WDPCP: variants seen among roughly 807,000 people sequenced by gnomAD.
WDPCP encodes the protein WD repeat containing planar cell polarity effector, also known as WD repeat-containing and planar cell polarity effector protein fritz homolog.
A neutral mutation model predicts 93.1 loss-of-function variants in WDPCP; 71 were observed. The ratio of observed to expected loss-of-function variants is 0.76; its 90% CI spans 0.63 to 0.93. The LOEUF (loss-of-function observed/expected upper bound fraction) is 0.93. Among genes scored for constraint, WDPCP ranks in the 40% least tolerant of loss-of-function variants. The pLI is 0.00. For synonymous variants in WDPCP, 315 were observed against 315.0 expected (o/e 1.00, Z 0.00); for missense variants, 844 against 887.4 (o/e 0.95, Z 0.62).
intron 12 of WDPCP, among the ~76,000 whole-genome samples, chr2:63,373,896 A>G (rs1274620702): frequency 2.0e-5 from 3 of 152,116 alleles, no homozygotes. Flanking sequence ...CTTGAAAAGT[A>G]TAAGGACCTT....
intron 15 of WDPCP, among the ~76,000 whole-genome samples, chr2:63,165,040 T>C (rs1672868378): frequency 6.6e-6 from 1 of 152,104 alleles, no homozygotes; most frequent in South Asian, 2.1e-4. Context: ...AGTAATTACA[T>C]TAATAATAAA....
At chr2:63,806,352 G>T (rs1670762530) in intron 2 of WDPCP, among the ~76,000 whole-genome samples, 1 of 152,120 alleles carries the variant, frequency 6.6e-6, no homozygotes, top group East Asian at 1.9e-4. Flanking sequence ...AGTTTCAGAA[G>T]GGGAGGGAGT....
intron 1 of WDPCP, among the ~76,000 whole-genome samples, chr2:63,586,993 A>G (rs922159052): frequency 1.1e-4 from 16 of 152,236 alleles, no homozygotes; most frequent in African/African-American, 3.9e-4. Context: ...CGTCATTTAC[A>G]TTAGGTAAAA....
chr2:63,760,366 T>C (rs1274711888), intron 2 of WDPCP, among the ~76,000 whole-genome samples: 1 of 152,108 alleles, frequency 6.6e-6, no homozygotes, highest in Non-Finnish European at 1.5e-5. Flanking sequence ...ATTGCATCTA[T>C]AACACAGAGC....
intron 12 of WDPCP, among the ~76,000 whole-genome samples, chr2:63,352,441 C>T (rs1575205942): frequency 6.6e-6 from 1 of 152,230 alleles, no homozygotes; most frequent in East Asian, 1.9e-4. Flanking sequence ...TAATGTATGG[C>T]AATAAATATG....
chr2:63,570,967 A>G (rs4671517), intron 1 of WDPCP, among the ~76,000 whole-genome samples: 122,969 of 151,464 alleles, frequency 0.81, 50,734 homozygotes, highest in East Asian at 0.98. Context: ...GTGCAGTGGC[A>G]CGATCTCAGC....
upstream of WDPCP, among the ~76,000 whole-genome samples, chr2:63,591,207 A>T (rs2106595733): frequency 6.6e-6 from 1 of 152,374 alleles, no homozygotes; most frequent in Non-Finnish European, 1.5e-5. Flanking sequence ...AGCAAAGAAT[A>T]GTAACCTATG....
intron 2 of WDPCP, among the ~76,000 whole-genome samples, chr2:63,797,510 G>T (rs997230226): frequency 6.6e-6 from 1 of 151,490 alleles, no homozygotes; most frequent in Non-Finnish European, 1.5e-5. Flanking sequence ...ACTGACCAAA[G>T]ATTTTTAATC....
intron 10 of WDPCP, among the ~76,000 whole-genome samples, chr2:63,395,367 AT>A (rs1448274366): frequency 1.3e-5 from 2 of 152,146 alleles, no homozygotes; most frequent in East Asian, 3.9e-4. Context: ...GCAGTATTTC[AT>A]CCCTCACCCC....
At chr2:63,455,601 G>C (rs1310300608) in intron 6 of WDPCP, among the ~76,000 whole-genome samples, 1 of 152,022 alleles carries the variant, frequency 6.6e-6, no homozygotes, top group African/African-American at 2.4e-5. Flanking sequence ...ATCATACAAT[G>C]ATAAAGGGAT....
chr2:63,524,674 A>G (rs530235090), intron 1 of WDPCP, among the ~76,000 whole-genome samples: 1 of 152,342 alleles, frequency 6.6e-6, no homozygotes, highest in Admixed American at 6.5e-5. Context: ...AGGAAATACC[A>G]TTCTAGACAT....
rs559321093 is a variant in WDPCP at position 63,475,429 on chromosome 2, G to T, written c.384+9175C>A. On this transcript the variant is annotated intron_variant, in intron 6 of 17. Transcript: ENST00000272321. Reference sequence around the variant, plus strand: ...CAACAACCTCTGAACTTAAGATACTGTACTTTAGATATTAAACTTTAGATA... The same window carrying T: ...CAACAACCTCTGAACTTAAGATACTTTACTTTAGATATTAAACTTTAGATA... 2.0e-4 allele frequency among the ~76,000 whole-genome samples: 31 copies of T among 152,002 alleles called. No homozygotes were observed. In the South Asian group the frequency reaches 6.0e-3, roughly 30 times the overall value.
intron 1 of WDPCP, among the ~76,000 whole-genome samples, chr2:63,537,297 T>C (rs983039096): frequency 2.6e-5 from 4 of 152,234 alleles, no homozygotes; most frequent in African/African-American, 9.6e-5. Flanking sequence ...GCTACCATCA[T>C]AGTTTATGCT....
At chr2:63,203,016 G>A (rs1322112305) in intron 14 of WDPCP, among the ~76,000 whole-genome samples, 3 of 152,154 alleles carry the variant, frequency 2.0e-5, no homozygotes, top group Admixed American at 6.5e-5. Context: ...TTGTACACAC[G>A]TACAGAGTCT....
At chr2:63,155,839 G>C in intron 15 of WDPCP, among the ~76,000 whole-genome samples, 1 of 152,004 alleles carries the variant, frequency 6.6e-6, no homozygotes, top group East Asian at 1.9e-4. Flanking sequence ...TTGTCTCTTT[G>C]TATAAATTTT....
chr2:63,711,430 T>C (rs1465303922), intron 2 of WDPCP: 2 of 152,156 alleles, frequency 1.3e-5, no homozygotes, highest in East Asian at 1.9e-4. Context: ...ATAGTAGTTA[T>C]AGACTGGGAA....
At position 63,800,176 on chromosome 2, in the gene WDPCP, GA is replaced by G. The variant is rs369497128; in HGVS notation, n.308+13445del. On this transcript the variant is annotated intron_variant and non_coding_transcript_variant, in intron 2 of 4. Coordinates refer to the WDPCP transcript ENST00000467687. ...ATGTATCCAAATAGGATTCACAACTGAATGGCAACATATAACTTAATTCTAA... is the reference window on the plus strand; with the variant it reads ...ATGTATCCAAATAGGATTCACAACTGATGGCAACATATAACTTAATTCTAA... Among the ~76,000 whole-genome samples the G allele has an allele frequency of 7.2e-5, 11 of 152,132 alleles. No homozygotes were observed. The East Asian group carries it at 2.1e-3, about 29-fold the overall frequency.
At chr2:63,687,745 A>T (rs1575747826) in intron 2 of WDPCP, among the ~76,000 whole-genome samples, 2 of 152,328 alleles carry the variant, frequency 1.3e-5, no homozygotes, top group South Asian at 4.1e-4. Context: ...AAGAATGTAA[A>T]TTAGTACAAT....
At chr2:63,474,608 G>A (rs1389632769) in intron 6 of WDPCP, among the ~76,000 whole-genome samples, 6 of 152,102 alleles carry the variant, frequency 3.9e-5, no homozygotes, top group Non-Finnish European at 8.8e-5. Context: ...ACATTTTAAT[G>A]ATTGGTAGGA....
Sources: allele counts gnomAD v4.1 joint callset (sites outside exome capture counted in the v4.1 genomes callset), GRCh38; gene constraint gnomAD v4.1.1; transcripts MANE v1.5; gene names NCBI Gene and HGNC (gene_info 2026-07-23, HGNC 2026-07-21).